The following PRDM1 variants were observed in gnomAD, a reference collection of about 807,000 sequenced individuals.
The protein encoded by PRDM1 is PR domain zinc finger protein 1.
In PRDM1, 13 loss-of-function variants were observed where a neutral mutation model predicts 62.8. The ratio of observed to expected loss-of-function variants is 0.21; its 90% CI spans 0.13 to 0.33. The LOEUF is 0.33. PRDM1 is among the 10% of genes least tolerant of loss of function. The pLI, the probability that PRDM1 is intolerant of heterozygous loss-of-function variation, is 1.00. For missense variants in PRDM1, 895 were observed against 1,058.8 expected, an observed-to-expected ratio of 0.85 and a Z score of 2.15; for synonymous variants, 396 against 417.6, an observed-to-expected ratio of 0.95 and a Z score of 0.63.
intron 3 of PRDM1, among the ~76,000 whole-genome samples, chr6:106,096,567 T>C (rs1774123484): frequency 6.6e-6 from 1 of 152,242 alleles, no homozygotes; most frequent in South Asian, 2.1e-4. Flanking sequence ...CATGGTAAAA[T>C]GATTCCATTT....
At chr6:106,043,518 A>G (rs998373479) in intron 1 of PRDM1, among the ~76,000 whole-genome samples, 7 of 151,988 alleles carry the variant, frequency 4.6e-5, no homozygotes, top group African/African-American at 1.2e-4. Context: ...GCTTATATTC[A>G]TATTTTATTT....
At chr6:106,010,045 G>A (rs1772527697) in intron 1 of PRDM1, among the ~76,000 whole-genome samples, 2 of 152,216 alleles carry the variant, frequency 1.3e-5, no homozygotes, top group South Asian at 4.1e-4. Context: ...TTACCCCTAT[G>A]GCAGGTCAAA....
At chr6:106,091,569 C>T (rs921465005) in intron 2 of PRDM1, among the ~76,000 whole-genome samples, 6 of 151,986 alleles carry the variant, frequency 3.9e-5, no homozygotes, top group African/African-American at 1.2e-4. Flanking sequence ...CACCTGAGGT[C>T]AGGAGTTCAA....
intron 3 of PRDM1, among the ~76,000 whole-genome samples, chr6:106,096,481 C>T (rs1392640385): frequency 6.6e-6 from 1 of 152,142 alleles, no homozygotes; most frequent in Non-Finnish European, 1.5e-5. Flanking sequence ...AAGTAAATGC[C>T]ATTAAGGAAG....
chr6:106,086,186 CGAA>C, upstream of PRDM1: 1 of 310,216 alleles, frequency 3.2e-6, no homozygotes, highest in South Asian at 9.8e-5. Context: ...AATACACATG[CGAA>C]GAGAGGAAGC....
chr6:106,065,788 A>G (rs932477993), intron 1 of PRDM1, among the ~76,000 whole-genome samples: 3 of 152,182 alleles, frequency 2.0e-5, no homozygotes, highest in African/African-American at 7.2e-5. Context: ...CATGGATTGA[A>G]CCCATGACTT....
chr6:106,091,875 A>C (rs1303708513), intron 2 of PRDM1, among the ~76,000 whole-genome samples: 1 of 152,236 alleles, frequency 6.6e-6, no homozygotes, highest in African/African-American at 2.4e-5. Flanking sequence ...AGGTGATTGC[A>C]GGCTGAAGGT....
rs1317146603 is a variant in PRDM1 at position 106,095,657 on chromosome 6, C to T, written c.334C>T (p.Arg112Cys). The stretch of plus-strand genomic sequence containing the variant: ...TAAAGAATACATACCAAAGGGCACA[C>T]GTTTTGGACCCCTAATAGGTGAAAT... ...MSKEYIPKGT[R>C]FGPLIGEIYT... Residue 112 changes from arginine to cysteine, a missense_variant, in exon 3 of 7, where the codon CGT becomes TGT. Physicochemically the swap from Arg to Cys is radical, Grantham distance 180. Transcript: ENST00000369096. 6 of 1,611,862 alleles carry T rather than the reference C, an allele frequency of 3.7e-6. 1 individual carries two copies. Among genetic ancestry groups the T allele is most frequent in the Non-Finnish European group, 5.1e-6 (6 of 1,179,108 alleles).
In PRDM1 at chr6:106,106,852, T is replaced by C. The variant is rs1774506504; in HGVS notation, c.1903-59T>C. ...TAAGCCTGCCCCTCCCGTTGGCAAC[T>C]CTTAATCTTCTGGCCTTCCTGTCTC... On this transcript the variant is annotated intron_variant, in intron 6 of 6. Transcript: ENST00000369096. The surrounding 1 kb of genome is among the most constrained non-coding windows in gnomAD (Gnocchi z 4.4). 3.3e-6 allele frequency: 5 copies of C among 1,522,616 alleles called. No individual in the cohort carries two copies. The South Asian group carries it at 4.9e-5, about 15-fold the overall frequency. 94.3% of individuals were successfully genotyped at this position (1,522,616 alleles called of 1,614,324 possible).
intron 1 of PRDM1, among the ~76,000 whole-genome samples, chr6:106,015,336 A>T: frequency 6.6e-6 from 1 of 152,176 alleles, no homozygotes; most frequent in East Asian, 1.9e-4. Flanking sequence ...GCTTCTCTGC[A>T]CTTGTTAAAA....
At chr6:106,003,503 C>A (rs949737671) in intron 1 of PRDM1, among the ~76,000 whole-genome samples, 1 of 152,120 alleles carries the variant, frequency 6.6e-6, no homozygotes. Flanking sequence ...ACTATCTATC[C>A]TTAGACATTT....
chr6:106,033,891 A>AT (rs1223004963), intron 1 of PRDM1, among the ~76,000 whole-genome samples: 12 of 151,860 alleles, frequency 7.9e-5, no homozygotes, highest in Non-Finnish European at 1.3e-4. Context: ...TTGTCAAGAG[A>AT]TTTTTTATTA....
intron 1 of PRDM1, among the ~76,000 whole-genome samples, chr6:106,041,084 A>G (rs1227770731): frequency 6.6e-6 from 1 of 152,206 alleles, no homozygotes; most frequent in African/African-American, 2.4e-5. Context: ...TTGGAATCCT[A>G]TGGCACCACA....
At chr6:106,080,695 G>C (rs1773680340) in intron 1 of PRDM1, among the ~76,000 whole-genome samples, 1 of 152,192 alleles carries the variant, frequency 6.6e-6, no homozygotes. Context: ...GATCATGGTG[G>C]CAGTACACAT....
At chr6:106,004,111 A>T (rs1453546002) in intron 1 of PRDM1, among the ~76,000 whole-genome samples, 1 of 152,260 alleles carries the variant, frequency 6.6e-6, no homozygotes, top group Non-Finnish European at 1.5e-5. Flanking sequence ...AAAGGTTCCC[A>T]GGGGGCTAAC....
chr6:106,092,335 A>G (rs1209920007), intron 2 of PRDM1, among the ~76,000 whole-genome samples: 1 of 152,088 alleles, frequency 6.6e-6, no homozygotes, highest in Non-Finnish European at 1.5e-5. Flanking sequence ...AATCTGCTCA[A>G]GTGGTGGAGG....
At position 106,106,258 on chromosome 6, in the gene PRDM1, C is replaced by T. The variant is rs1774484938; in HGVS notation, c.1774-113C>T. On this transcript the variant is annotated intron_variant, in intron 5 of 6. Transcript: ENST00000369096. This position sits in a 1 kb window ranked among gnomAD's most constrained non-coding sequence, Gnocchi z 4.4. ...ACATGAAGATTTCTTCTTTTTAAGA[C>T]TGTCTTGATGCTTTTCTTAAGATAT... is the stretch of plus-strand genomic sequence containing the variant. 1.4e-6 allele frequency: 2 copies of T among 1,430,150 alleles called. No individual in the cohort carries two copies. Among genetic ancestry groups the T allele is most frequent in the Non-Finnish European group, 1.9e-6 (2 of 1,056,296 alleles). 88.6% of individuals were successfully genotyped at this position (1,430,150 alleles called of 1,614,324 possible). A position where few individuals can be genotyped will look rare whatever the true frequency, so the allele number is the denominator to read the frequency against.
rs1774488416 is a variant in PRDM1 at position 106,106,339 on chromosome 6, GA to G, written c.1774-31del. On this transcript the variant is annotated intron_variant, in intron 5 of 6. Coordinates refer to ENST00000369096, the MANE Select transcript of PRDM1 (RefSeq NM_001198.4). This position sits in a 1 kb window ranked among gnomAD's most constrained non-coding sequence, Gnocchi z 4.4. ...ATGTTAGGTCTCAGAGCCAGCTTGA[GA>G]GCAGAGCTAACACATGTGGCTTCTT... 2 of 1,611,540 alleles carry G rather than the reference GA, an allele frequency of 1.2e-6. No homozygotes were observed. Among genetic ancestry groups the G allele is most frequent in the South Asian group, 2.2e-5 (2 of 90,962 alleles).
Position 106,109,161 on chromosome 6 carries a change from C to CAA in PRDM1, c.*1676_*1677insAA, listed in dbSNP as rs1774610961. On this transcript the variant is annotated 3_prime_UTR_variant, in exon 7 of 7. Transcript: ENST00000369096. The stretch of plus-strand genomic sequence containing the variant: ...GCTTAATACTTGGTGACCTCACAAT[C>CAA]ACGTCGGTATGATTGGGCACCCTTG... 1 of 199,594 alleles carries CAA rather than the reference C, an allele frequency of 5.0e-6. No homozygotes were observed. The highest frequency in any genetic ancestry group is 1.0e-5 in the Non-Finnish European group (1 of 98,822). 12.4% of individuals were successfully genotyped at this position (199,594 alleles called of 1,614,324 possible).
Sources: allele counts gnomAD v4.1 joint callset (sites outside exome capture counted in the v4.1 genomes callset), GRCh38; gene constraint gnomAD v4.1.1; non-coding constraint Gnocchi (gnomAD v3.1); transcripts MANE v1.5; gene names NCBI Gene and HGNC (gene_info 2026-07-23, HGNC 2026-07-21).